Variants in PKD1L1 observed in about 807,000 individuals in gnomAD.
PKD1L1 encodes polycystin 1 like 1, transient receptor potential channel interacting, also known as polycystin-1-like protein 1.
Under a neutral mutation model 323.4 loss-of-function variants are expected in PKD1L1, and 236 were observed. The ratio of observed to expected loss-of-function variants is 0.73; its 90% confidence interval spans 0.66 to 0.81. The LOEUF (loss-of-function observed/expected upper bound fraction) is 0.81, where lower values mean the gene tolerates loss of function less well. Ranked by LOEUF, PKD1L1 falls within the 40% of genes least tolerant of loss-of-function variation. The pLI is 0.00. For missense variants in PKD1L1, 3,320 were observed against 3,508.0 expected, an observed-to-expected ratio of 0.95 and a Z score of 1.35; for synonymous variants, 1,344 against 1,335.0, an observed-to-expected ratio of 1.01 and a Z score of -0.15.
At chr7:47,960,706 AC>A in the PKD1L1 span, among the ~76,000 whole-genome samples, 7 of 150,196 alleles carry the variant, frequency 4.7e-5, no homozygotes, top group African/African-American at 1.7e-4. Flanking sequence ...AAAAAAAAAA[AC>A]ATGGTCAAAA....
Position 47,915,584 on chromosome 7 carries a change from AGAT to A in PKD1L1, c.1073_1075del (p.His358del). ...GGACATATCCAACTGAAAATGTAAA[AGAT>A]GAAAAAAAATACCTATAAAAGCAAA... On this transcript the variant is annotated inframe_deletion, in exon 8 of 57. Coordinates refer to ENST00000289672, the MANE Select transcript of PKD1L1 (RefSeq NM_138295.5). 3.9e-6 allele frequency: 6 copies of A among 1,537,326 alleles called. No homozygotes were observed. Among genetic ancestry groups the A allele is most frequent in the Non-Finnish European group, 5.3e-6 (6 of 1,123,932 alleles).
At chr7:47,802,581 C>T (rs1784687598) in intron 53 of PKD1L1, among the ~76,000 whole-genome samples, 1 of 152,192 alleles carries the variant, frequency 6.6e-6, no homozygotes. Context: ...GGGCACTTGG[C>T]CTAGACTTTC....
At chr7:47,813,380 G>T in intron 48 of PKD1L1, 87 bp from the exon 49 acceptor site, 1 of 1,384,706 alleles carries the variant, frequency 7.2e-7, no homozygotes. Context: ...GGCCACATGT[G>T]AACACCTGCT....
intron 24 of PKD1L1, among the ~76,000 whole-genome samples, chr7:47,873,546 C>T (rs963433505): frequency 6.7e-6 from 1 of 148,620 alleles, no homozygotes; most frequent in Non-Finnish European, 1.5e-5. Flanking sequence ...ACTCAGGAGG[C>T]TGAGGCAGGA....
intron 13 of PKD1L1, among the ~76,000 whole-genome samples, chr7:47,898,599 A>G (rs1338686543): frequency 6.6e-6 from 1 of 152,134 alleles, no homozygotes; most frequent in Non-Finnish European, 1.5e-5. Flanking sequence ...CAATGAATAT[A>G]ATAAGAAAAT....
At chr7:47,927,197 A>G (rs1787671040) in intron 7 of PKD1L1, among the ~76,000 whole-genome samples, 1 of 152,152 alleles carries the variant, frequency 6.6e-6, no homozygotes, top group African/African-American at 2.4e-5. Context: ...AAAAGTTAAA[A>G]ATTCCTACAT....
chr7:47,900,720 C>T (rs1787067798), intron 13 of PKD1L1, among the ~76,000 whole-genome samples: 1 of 151,820 alleles, frequency 6.6e-6, no homozygotes, highest in Middle Eastern at 3.4e-3. Flanking sequence ...AAGAGTGAAA[C>T]TCAGTCTCAA....
intron 44 of PKD1L1, 143 bp from the exon 45 acceptor site, chr7:47,827,611 GGATA>G: frequency 1.6e-6 from 1 of 639,846 alleles, no homozygotes; most frequent in South Asian, 2.3e-5. Context: ...TACTTTGTAT[GGATA>G]ACATAGACCA....
At chr7:47,908,701 C>T (rs565683944) in intron 8 of PKD1L1, among the ~76,000 whole-genome samples, 2 of 152,286 alleles carry the variant, frequency 1.3e-5, no homozygotes, top group Admixed American at 6.5e-5. Flanking sequence ...AACCCTTATC[C>T]GTTTTTCACA....
intron 27 of PKD1L1, 57 bp from the exon 28 acceptor site, chr7:47,857,889 T>G: frequency 6.6e-7 from 1 of 1,523,250 alleles, no homozygotes; most frequent in Non-Finnish European, 9.0e-7. Context: ...CAAACTGTCT[T>G]GAATCCAGAC....
At chr7:47,852,436 C>T (rs1441908127) in intron 31 of PKD1L1, among the ~76,000 whole-genome samples, 2 of 152,130 alleles carry the variant, frequency 1.3e-5, no homozygotes, top group Admixed American at 6.5e-5. Flanking sequence ...AACTATATCC[C>T]AGTAAACATG....
intron 12 of PKD1L1, among the ~76,000 whole-genome samples, chr7:47,903,364 C>G (rs1311931201): frequency 1.3e-5 from 2 of 152,042 alleles, no homozygotes; most frequent in Admixed American, 6.5e-5. Flanking sequence ...GTGGAGGCAC[C>G]GAATAAACCA....
At chr7:47,949,368 C>CAAAAAAAAAAAAAAAAAAAAAA (rs58131581), upstream of PKD1L1, among the ~76,000 whole-genome samples, 1 of 57,134 alleles carries the variant, frequency 1.8e-5, no homozygotes, top group African/African-American at 6.7e-5. Flanking sequence ...GGCTCTGTCT[C>CAAAAAAAAAAAAAAAAAAAAAA]AAAAAAAAAA....
intron 45 of PKD1L1, 37 bp from the exon 46 acceptor site, chr7:47,821,223 C>CAGGG: frequency 1.5e-6 from 2 of 1,296,014 alleles, no homozygotes; most frequent in Non-Finnish European, 2.2e-6. Context: ...TCCATACAGA[C>CAGGG]CCTGTATGTA....
At chr7:47,804,279 C>T (rs558576463) in intron 52 of PKD1L1, among the ~76,000 whole-genome samples, 7 of 152,034 alleles carry the variant, frequency 4.6e-5, no homozygotes, top group South Asian at 4.2e-4. Context: ...TAGCCAGCAC[C>T]GGCCAAGAAA....
chr7:47,910,181 G>T (rs978084467), intron 8 of PKD1L1, among the ~76,000 whole-genome samples: 1 of 152,190 alleles, frequency 6.6e-6, no homozygotes, highest in Non-Finnish European at 1.5e-5. Context: ...ACTTAACTAA[G>T]AGTGTGCTAC....
chr7:47,881,413 T>C (rs1004536206), intron 20 of PKD1L1, among the ~76,000 whole-genome samples: 2 of 152,156 alleles, frequency 1.3e-5, no homozygotes, highest in African/African-American at 4.8e-5. Flanking sequence ...TATCTAAAAA[T>C]AGTGTGAAAT....
At chr7:47,850,164 G>A (rs568055762) in intron 31 of PKD1L1, among the ~76,000 whole-genome samples, 5 of 152,104 alleles carry the variant, frequency 3.3e-5, no homozygotes, top group Admixed American at 1.3e-4. Flanking sequence ...AAAAACTACT[G>A]AAATAAAATA....
rs567283782 is a variant in PKD1L1 at position 47,912,324 on chromosome 7, G to A, written c.1228+3108C>T. ...ACAAAAAAGATTTGAAAAGACAAAA[G>A]AGAACTAATAGATGTATGCCAGTCT... On this transcript the variant is annotated intron_variant, in intron 8 of 56. Transcript: ENST00000289672. Among the ~76,000 whole-genome samples, 75 of 152,270 alleles carry A rather than the reference G, an allele frequency of 4.9e-4. No homozygotes were observed. In the South Asian group the frequency reaches 0.012, roughly 24 times the overall value.
Sources: allele counts gnomAD v4.1 joint callset (sites outside exome capture counted in the v4.1 genomes callset), GRCh38; gene constraint gnomAD v4.1.1; transcripts MANE v1.5; gene names NCBI Gene and HGNC (gene_info 2026-07-23, HGNC 2026-07-21).